RPN2: variants seen among roughly 807,000 people sequenced by gnomAD.
RPN2 encodes dolichyl-diphosphooligosaccharide--protein glycosyltransferase subunit 2.
RPN2 carries 29 observed loss-of-function variants against 71.4 expected under a neutral mutation model. That is an observed-to-expected ratio of 0.41 (90% confidence interval 0.30 to 0.55). The LOEUF is 0.55. RPN2 is among the 20% of genes least tolerant of loss of function. The pLI is 0.35. For missense variants in RPN2, 726 were observed against 774.1 expected (o/e 0.94, Z 0.74); for synonymous variants, 308 against 305.0 (o/e 1.01, Z -0.10).
chr20:37,212,502 A>G (rs1331763542), intron 8 of RPN2, among the ~76,000 whole-genome samples: 1 of 139,448 alleles, frequency 7.2e-6, no homozygotes, highest in Non-Finnish European at 1.6e-5. Flanking sequence ...TTTTTTTTTG[A>G]GACAGTTTCG....
At chr20:37,228,801 TG>T (rs2068155238) in intron 12 of RPN2, 57 bp downstream of exon 12, 1 of 1,555,728 alleles carries the variant, frequency 6.4e-7, no homozygotes, top group African/African-American at 1.4e-5. Context: ...CAGGCACTGG[TG>T]GCTCTTTTTC....
chr20:37,194,718 G>A (rs946633297), intron 2 of RPN2, among the ~76,000 whole-genome samples: 3 of 152,232 alleles, frequency 2.0e-5, no homozygotes, highest in African/African-American at 7.2e-5. Flanking sequence ...AGGTGCTTGT[G>A]CAACTGGAGC....
At chr20:37,194,609 A>G (rs1226976730) in intron 2 of RPN2, among the ~76,000 whole-genome samples, 1 of 152,210 alleles carries the variant, frequency 6.6e-6, no homozygotes, top group African/African-American at 2.4e-5. Context: ...AATACATTAT[A>G]GGAGAAGTTG....
chr20:37,221,084 T>G (rs1687281303), intron 9 of RPN2, among the ~76,000 whole-genome samples: 1 of 152,214 alleles, frequency 6.6e-6, no homozygotes, highest in Non-Finnish European at 1.5e-5. Context: ...TTAGCTGGCC[T>G]TGGTGGCCAG....
At chr20:37,197,353 C>T (rs572565782) in intron 2 of RPN2, among the ~76,000 whole-genome samples, 1 of 152,014 alleles carries the variant, frequency 6.6e-6, no homozygotes, top group Admixed American at 6.6e-5. Flanking sequence ...GGCTTTAGAC[C>T]GCTTAGGAGA....
chr20:37,235,690 G>C (rs546613983), intron 15 of RPN2, among the ~76,000 whole-genome samples: 2 of 151,564 alleles, frequency 1.3e-5, no homozygotes, highest in African/African-American at 4.9e-5. Flanking sequence ...GCTCTGTCTC[G>C]CCCAGGCTGG....
chr20:37,201,135 G>C (rs2067378724), intron 4 of RPN2, among the ~76,000 whole-genome samples: 1 of 150,880 alleles, frequency 6.6e-6, no homozygotes, highest in Non-Finnish European at 1.5e-5. Context: ...GAAGACCCTA[G>C]CGCAGTGCCT....
At chr20:37,187,151 T>G (rs2067024601) in intron 2 of RPN2, among the ~76,000 whole-genome samples, 1 of 152,180 alleles carries the variant, frequency 6.6e-6, no homozygotes, top group Non-Finnish European at 1.5e-5. Flanking sequence ...ATTTCTACCT[T>G]TTGATTGGGG....
At chr20:37,207,524 G>A in intron 7 of RPN2, 75 bp downstream of exon 7, 2 of 1,399,482 alleles carry the variant, frequency 1.4e-6, no homozygotes, top group Non-Finnish European at 2.0e-6. Context: ...TCTGGACTAT[G>A]GTCACAGCCA....
intron 5 of RPN2, 51 bp from the exon 6 acceptor site, chr20:37,204,716 T>C: frequency 6.2e-7 from 1 of 1,610,720 alleles, no homozygotes; most frequent in Non-Finnish European, 8.5e-7. Flanking sequence ...TTCGTGCATC[T>C]CATTTCTGCT....
At chr20:37,236,160 C>T (rs985816993) in intron 15 of RPN2, among the ~76,000 whole-genome samples, 13 of 151,936 alleles carry the variant, frequency 8.6e-5, no homozygotes, top group Admixed American at 8.5e-4. Flanking sequence ...GTGGTGTGAT[C>T]AAGCTCACTG....
intron 16 of RPN2, among the ~76,000 whole-genome samples, chr20:37,240,528 G>C (rs545583594): frequency 6.6e-6 from 1 of 152,282 alleles, no homozygotes; most frequent in South Asian, 2.1e-4. Flanking sequence ...TGCCACTGAA[G>C]GATGGTGTGT....
chr20:37,202,828 A>G (rs879594194), intron 4 of RPN2, among the ~76,000 whole-genome samples: 2 of 152,252 alleles, frequency 1.3e-5, no homozygotes, highest in African/African-American at 2.4e-5. Flanking sequence ...TTCCATTTCT[A>G]TGAAATAGCA....
rs959605668 is a variant in RPN2 at position 37,213,778 on chromosome 20, T to A, written c.1005T>A (p.Asn335Lys). 3.7e-6 allele frequency: 6 copies of A among 1,614,036 alleles called. No individual in the cohort carries two copies. The East Asian group carries it at 1.3e-4, about 36-fold the overall frequency. The part of the protein sequence containing the change: ...FTPVGDVFEL[N>K]FMNVKFSSGY... ...TTAACAGGGATGTTTTTGAACTAAA[T>A]TTCATGAACGTCAAATTTTCCAGTG... The change falls in exon 9 of 17, where the codon AAT (asparagine) becomes AAA (lysine). Residue 335 changes from asparagine to lysine, a missense_variant. Coordinates refer to ENST00000237530, the MANE Select transcript of RPN2 (RefSeq NM_002951.5).
intron 2 of RPN2, among the ~76,000 whole-genome samples, chr20:37,190,340 A>C (rs2043876519): frequency 6.6e-6 from 1 of 152,206 alleles, no homozygotes; most frequent in East Asian, 1.9e-4. Flanking sequence ...TGGGATAATT[A>C]CATGATTGGG....
rs2067534500 is a variant in RPN2 at position 37,207,262 on chromosome 20, ATTTC to A, written c.691-6_691-3del. ...AGGAAGAGAAACAGCTGCATTTCGC[ATTTC>A]TTTCAGGATCAGGTCATCCAGCTGA... On this transcript the variant is annotated splice_region_variant and splice_polypyrimidine_tract_variant and intron_variant, in intron 6 of 16. Transcript: ENST00000237530. 2 of 1,611,410 alleles carry A rather than the reference ATTTC, an allele frequency of 1.2e-6. No homozygotes were observed. Among genetic ancestry groups the A allele is most frequent in the Non-Finnish European group, 1.7e-6 (2 of 1,177,672 alleles).
chr20:37,180,657 C>G (rs560061829), intron 1 of RPN2, among the ~76,000 whole-genome samples: 1 of 152,296 alleles, frequency 6.6e-6, no homozygotes, highest in African/African-American at 2.4e-5. Flanking sequence ...ATCTTGACTC[C>G]GCTCTCTCTT....
At chr20:37,228,173 A>G (rs1288831733) in intron 11 of RPN2, among the ~76,000 whole-genome samples, 1 of 152,108 alleles carries the variant, frequency 6.6e-6, no homozygotes, top group Non-Finnish European at 1.5e-5. Flanking sequence ...GTTCCACCTC[A>G]TTTCCTTTCT....
rs112030125 is a variant in RPN2 at position 37,217,301 on chromosome 20, CT to C, written c.1092+3446del. ...TATTATTATTATTATTATTATTATT[CT>C]TTTTTTTTTGAAACAGAGTCTCGCT... is the stretch of plus-strand genomic sequence containing the variant. On this transcript the variant is annotated intron_variant, in intron 9 of 16. Transcript: ENST00000237530. Among the ~76,000 whole-genome samples the C allele has an allele frequency of 3.1e-4, 41 of 130,796 alleles. No individual in the cohort carries two copies. The East Asian group carries it at 5.8e-3, about 19-fold the overall frequency. The allele number at this position is 130,796 out of a possible 152,430, so 85.8% of individuals were successfully genotyped here. A position where few individuals can be genotyped will look rare whatever the true frequency, so the allele number is the denominator to read the frequency against.
Sources: gnomAD v4.1 joint callset for allele counts (sites outside exome capture counted in the v4.1 genomes callset) on GRCh38, gnomAD v4.1.1 for gene constraint, MANE v1.5 for transcripts, NCBI Gene and HGNC (gene_info 2026-07-23, HGNC 2026-07-21) for gene names.